CFAP54: variants seen among roughly 807,000 people sequenced by gnomAD.
CFAP54 encodes the protein cilia and flagella associated protein 54.
In CFAP54, 290 loss-of-function variants were observed where a neutral mutation model predicts 370.4. The ratio of observed to expected loss-of-function variants is 0.78; its 90% CI spans 0.71 to 0.86. CFAP54 has a LOEUF of 0.86. CFAP54 is among the 40% of genes least tolerant of loss of function. The pLI is 0.00. For missense variants in CFAP54, 3,399 were observed against 3,528.7 expected, an observed-to-expected ratio of 0.96 and a Z score of 0.93; for synonymous variants, 1,206 against 1,236.5, an observed-to-expected ratio of 0.98 and a Z score of 0.52.
At chr12:96,648,624 C>G (rs12367993) in intron 34 of CFAP54, among the ~76,000 whole-genome samples, 28,540 of 143,398 alleles carry the variant, frequency 0.2, 3,371 homozygotes, top group South Asian at 0.31. Flanking sequence ...GGAGTCTCAC[C>G]CTATCACCTG....
intron 9 of CFAP54, among the ~76,000 whole-genome samples, chr12:96,530,367 G>A (rs111870801): frequency 0.03 from 4,556 of 152,290 alleles, 94 homozygotes; most frequent in Non-Finnish European, 0.045. Context: ...GCATGTGCCT[G>A]TAGTCCCAGC....
chr12:96,841,115 G>T (rs7137573), intron 66 of CFAP54, among the ~76,000 whole-genome samples: 1 of 152,088 alleles, frequency 6.6e-6, no homozygotes, highest in Admixed American at 6.5e-5. Context: ...TGCAATTTGG[G>T]GGTATAATAC....
At chr12:96,837,838 C>A (rs1825846838) in intron 66 of CFAP54, among the ~76,000 whole-genome samples, 1 of 152,164 alleles carries the variant, frequency 6.6e-6, no homozygotes, top group South Asian at 2.1e-4. Context: ...TTCAAGAGGG[C>A]CCACAGATTA....
At chr12:96,831,751 G>C (rs894899972) in intron 66 of CFAP54, among the ~76,000 whole-genome samples, 1 of 152,148 alleles carries the variant, frequency 6.6e-6, no homozygotes, top group African/African-American at 2.4e-5. Context: ...ACAGTGCCTT[G>C]TACACCACAT....
chr12:96,591,908 A>G (rs909333960), intron 23 of CFAP54, among the ~76,000 whole-genome samples: 1 of 111,914 alleles, frequency 8.9e-6, no homozygotes, highest in Non-Finnish European at 2.2e-5. Context: ...AAAAAAAGAA[A>G]TATTTTTTTT....
At chr12:96,525,555 A>G (rs1157924335) in intron 8 of CFAP54, among the ~76,000 whole-genome samples, 3 of 152,012 alleles carry the variant, frequency 2.0e-5, no homozygotes, top group Non-Finnish European at 2.9e-5. Context: ...TTTCATTTTG[A>G]ATACTTCTAA....
chr12:96,870,153 C>T (rs897973836), intron 67 of CFAP54, among the ~76,000 whole-genome samples: 3 of 150,028 alleles, frequency 2.0e-5, no homozygotes, highest in African/African-American at 7.4e-5. Flanking sequence ...CGCAGCTACT[C>T]TGGAGGCTGA....
At chr12:96,865,889 A>C (rs1439426405) in intron 67 of CFAP54, among the ~76,000 whole-genome samples, 1 of 152,140 alleles carries the variant, frequency 6.6e-6, no homozygotes, top group Non-Finnish European at 1.5e-5. Context: ...CATATGCCCA[A>C]TTTTAGAAAA....
intron 65 of CFAP54, among the ~76,000 whole-genome samples, chr12:96,826,535 T>C (rs1592789589): frequency 2.2e-5 from 1 of 45,042 alleles, no homozygotes; most frequent in Non-Finnish European, 4.2e-5. Flanking sequence ...TATTATATAT[T>C]ATATATATAA....
chr12:96,544,360 A>G (rs181836300), intron 14 of CFAP54, among the ~76,000 whole-genome samples: 13 of 152,056 alleles, frequency 8.5e-5, no homozygotes, highest in Non-Finnish European at 1.5e-4. Context: ...GTCTTTTGTT[A>G]TAATGTTGGG....
At chr12:96,623,726 A>G in intron 27 of CFAP54, 41 bp from the exon 28 acceptor site, 1 of 1,012,622 alleles carries the variant, frequency 9.9e-7, no homozygotes, top group South Asian at 1.5e-5. Flanking sequence ...AGTTGTTGCA[A>G]CACGTTAAAG....
At chr12:96,837,849 G>A (rs1043108020) in intron 66 of CFAP54, among the ~76,000 whole-genome samples, 3 of 152,208 alleles carry the variant, frequency 2.0e-5, no homozygotes, top group East Asian at 1.9e-4. Flanking sequence ...CCACAGATTA[G>A]TGGGGGAGAC....
chr12:96,828,979 T>C (rs1408621675), intron 65 of CFAP54, 35 bp from the exon 66 acceptor site: 42 of 1,111,152 alleles, frequency 3.8e-5, no homozygotes, highest in Non-Finnish European at 5.4e-5. Context: ...TCTAATAATA[T>C]CAACCTCACT....
At chr12:96,754,148 A>G (rs150494125) in intron 56 of CFAP54, among the ~76,000 whole-genome samples, 1 of 152,218 alleles carries the variant, frequency 6.6e-6, no homozygotes, top group Non-Finnish European at 1.5e-5. Context: ...TTCTTCTTAC[A>G]CAAAGTTTCA....
At chr12:96,586,868 AG>A (rs146329494) in intron 22 of CFAP54, among the ~76,000 whole-genome samples, 1 of 152,162 alleles carries the variant, frequency 6.6e-6, no homozygotes, top group African/African-American at 2.4e-5. Context: ...ATAGAACGTA[AG>A]GGGGTAGAGT....
intron 19 of CFAP54, among the ~76,000 whole-genome samples, chr12:96,570,315 CTT>C (rs111559723): frequency 4.3e-4 from 62 of 142,846 alleles, no homozygotes; most frequent in Middle Eastern, 7.2e-3. Context: ...TTTTTCTTTT[CTT>C]TTTTTTTTTT....
intron 60 of CFAP54, among the ~76,000 whole-genome samples, chr12:96,777,469 C>T (rs901542787): frequency 6.6e-6 from 1 of 152,026 alleles, no homozygotes; most frequent in African/African-American, 2.4e-5. Context: ...CCTGCCTCAG[C>T]CTCCTGAGTA....
chr12:96,841,996 C>T (rs530391784), intron 66 of CFAP54, among the ~76,000 whole-genome samples: 1 of 152,288 alleles, frequency 6.6e-6, no homozygotes, highest in South Asian at 2.1e-4. Context: ...GCATTCAATA[C>T]ATTGTGGTCA....
intron 50 of CFAP54, among the ~76,000 whole-genome samples, chr12:96,737,572 C>T (rs1229009852): frequency 1.3e-5 from 2 of 151,400 alleles, no homozygotes; most frequent in East Asian, 1.9e-4. Flanking sequence ...TCACTGCAAC[C>T]TCTGCCTCCC....
Sources: allele counts gnomAD v4.1 joint callset (sites outside exome capture counted in the v4.1 genomes callset), GRCh38; gene constraint gnomAD v4.1.1; transcripts MANE v1.5; gene names NCBI Gene and HGNC (gene_info 2026-07-23, HGNC 2026-07-21).